The following ITGB3BP variants were observed in gnomAD, a reference collection of about 807,000 sequenced individuals.
ITGB3BP encodes integrin subunit beta 3 binding protein.
A neutral mutation model predicts 29.1 loss-of-function variants in ITGB3BP; 27 were observed. That is an observed-to-expected ratio of 0.93 (90% CI 0.68 to 1.28). The LOEUF (loss-of-function observed/expected upper bound fraction) is 1.28, where lower values mean the gene tolerates loss of function less well. ITGB3BP is among the 50% of genes most tolerant of loss of function. The pLI is 0.00. For missense variants in ITGB3BP, 192 were observed against 200.2 expected (o/e 0.96, Z 0.25); for synonymous variants, 61 against 61.4 (o/e 0.99, Z 0.03).
At chr1:63,483,403 T>C (rs1032946133) in intron 3 of ITGB3BP, among the ~76,000 whole-genome samples, 2 of 152,090 alleles carry the variant, frequency 1.3e-5, no homozygotes, top group Admixed American at 6.6e-5. Flanking sequence ...TTTAAGGAGA[T>C]AGTATATTAG....
rs1444312026 is a variant in ITGB3BP at position 63,469,509 on chromosome 1, A to T, written c.254+9255T>A. Reference sequence around the variant, plus strand: ...CCCAGCTAATTTTTGCATTTTTACTAGAGACGGGGTTTCTCCATGTTGGTC... The same window carrying T: ...CCCAGCTAATTTTTGCATTTTTACTTGAGACGGGGTTTCTCCATGTTGGTC... On this transcript the variant is annotated intron_variant, in intron 4 of 8. Transcript: ENST00000271002. Among the ~76,000 whole-genome samples, 4 of 152,142 alleles carry T rather than the reference A, an allele frequency of 2.6e-5. No individual in the cohort carries two copies. The East Asian group carries it at 7.7e-4, about 29-fold the overall frequency.
intron 4 of ITGB3BP, 107 bp downstream of exon 4, chr1:63,478,657 A>G: frequency 1.7e-6 from 1 of 590,484 alleles, no homozygotes; most frequent in South Asian, 2.1e-5. Flanking sequence ...CAGGTCAGGT[A>G]TAAACTATTA....
intron 1 of ITGB3BP, among the ~76,000 whole-genome samples, chr1:63,511,198 G>C (rs1646191902): frequency 1.3e-5 from 2 of 152,064 alleles, no homozygotes; most frequent in Non-Finnish European, 2.9e-5. Context: ...AATCATTAGG[G>C]AAATGCAAAT....
At chr1:63,497,926 C>CT in intron 2 of ITGB3BP, among the ~76,000 whole-genome samples, 1 of 152,100 alleles carries the variant, frequency 6.6e-6, no homozygotes, top group Admixed American at 6.5e-5. Flanking sequence ...TTCCTTTCCC[C>CT]CTTTTTCTTT....
At chr1:63,516,627 T>G (rs1021888412) in intron 1 of ITGB3BP, among the ~76,000 whole-genome samples, 17 of 150,044 alleles carry the variant, frequency 1.1e-4, no homozygotes, top group African/African-American at 3.7e-4. Flanking sequence ...GGAGGATCAC[T>G]TGAGCCCAGG....
At chr1:63,455,629 CAATAT>C (rs889330802) in intron 4 of ITGB3BP, among the ~76,000 whole-genome samples, 8 of 151,914 alleles carry the variant, frequency 5.3e-5, no homozygotes, top group Non-Finnish European at 1.2e-4. Context: ...TTACTTAATA[CAATAT>C]TATATACATT....
chr1:63,500,456 T>C (rs184162957), intron 2 of ITGB3BP, among the ~76,000 whole-genome samples: 1 of 152,310 alleles, frequency 6.6e-6, no homozygotes, highest in Admixed American at 6.5e-5. Context: ...ATATGATCCA[T>C]ATGTAAAAAT....
intron 2 of ITGB3BP, among the ~76,000 whole-genome samples, chr1:63,491,112 C>T (rs896213840): frequency 2.8e-4 from 42 of 152,082 alleles, no homozygotes; most frequent in African/African-American, 8.4e-4. Context: ...TTTTATCTTC[C>T]CCAAGACCTA....
intron 1 of ITGB3BP, among the ~76,000 whole-genome samples, chr1:63,519,133 G>T (rs974999002): frequency 6.6e-6 from 1 of 152,064 alleles, no homozygotes; most frequent in Non-Finnish European, 1.5e-5. Context: ...GATGCTCCTT[G>T]ACTTACAACA....
intron 4 of ITGB3BP, among the ~76,000 whole-genome samples, chr1:63,471,820 T>C (rs576425797): frequency 4.6e-5 from 7 of 152,094 alleles, no homozygotes; most frequent in East Asian, 3.9e-4. Context: ...AGTCTCACTC[T>C]GTCACCCAGG....
At chr1:63,490,945 C>T (rs1645632418) in intron 2 of ITGB3BP, among the ~76,000 whole-genome samples, 1 of 152,072 alleles carries the variant, frequency 6.6e-6, no homozygotes, top group Admixed American at 6.5e-5. Context: ...AGGAACAGTC[C>T]AGTAAATTTG....
chr1:63,471,854 G>A (rs1031342861), intron 4 of ITGB3BP, among the ~76,000 whole-genome samples: 1 of 151,578 alleles, frequency 6.6e-6, no homozygotes, highest in Non-Finnish European at 1.5e-5. Flanking sequence ...GCACCATCTC[G>A]GCTCACTGCA....
intron 8 of ITGB3BP, chr1:63,443,074 C>T (rs1160275364): frequency 6.6e-6 from 1 of 152,178 alleles, no homozygotes; most frequent in Non-Finnish European, 1.5e-5. Context: ...CTGTATGGGA[C>T]AGTCCTCCCC....
chr1:63,496,150 T>C (rs1460858498), intron 2 of ITGB3BP, among the ~76,000 whole-genome samples: 1 of 151,460 alleles, frequency 6.6e-6, no homozygotes, highest in African/African-American at 2.4e-5. Flanking sequence ...GGGAGTGCAG[T>C]GGTGCGATCA....
chr1:63,487,839 T>C lies in ITGB3BP; in HGVS notation c.184+2244A>G, dbSNP rs558525069. ...AGCAGCGAGCTAGGTTTGTTTACACTGGCATCACCACAAAAATGTGAGTAA... is the reference window on the plus strand; with the variant it reads ...AGCAGCGAGCTAGGTTTGTTTACACCGGCATCACCACAAAAATGTGAGTAA... On this transcript the variant is annotated intron_variant, in intron 3 of 8. Coordinates refer to ENST00000271002, the MANE Select transcript of ITGB3BP (RefSeq NM_014288.5). 3.9e-5 allele frequency among the ~76,000 whole-genome samples: 6 copies of C among 152,202 alleles called. No individual in the cohort carries two copies. The East Asian group carries it at 9.6e-4, about 24-fold the overall frequency.
At position 63,478,760 on chromosome 1, in the gene ITGB3BP, T is replaced by C. The variant is rs1338873531; in HGVS notation, c.254+4A>G. On this transcript the variant is annotated splice_donor_region_variant and intron_variant, in intron 4 of 8. Coordinates refer to ENST00000271002, the MANE Select transcript of ITGB3BP (RefSeq NM_014288.5). ...ATATATAATTTCAAAAATAACAAAC[T>C]TACTCATCATTGTCTTTTGTTGTAG... is the stretch of plus-strand genomic sequence containing the variant. 33 of 1,382,668 alleles carry C rather than the reference T, an allele frequency of 2.4e-5. No homozygotes were observed. Among genetic ancestry groups the C allele is most frequent in the African/African-American group, 3.0e-5 (2 of 66,996 alleles). 85.6% of individuals were successfully genotyped at this position (1,382,668 alleles called of 1,614,324 possible). A position where few individuals can be genotyped will look rare whatever the true frequency, so the allele number is the denominator to read the frequency against.
At chr1:63,513,949 A>T (rs1646255735) in intron 1 of ITGB3BP, among the ~76,000 whole-genome samples, 1 of 152,216 alleles carries the variant, frequency 6.6e-6, no homozygotes, top group South Asian at 2.1e-4. Flanking sequence ...TGCGAGTTTT[A>T]ACAAACATGT....
upstream of ITGB3BP, among the ~76,000 whole-genome samples, chr1:63,525,347 A>G (rs1646569085): frequency 6.6e-6 from 1 of 152,166 alleles, no homozygotes; most frequent in African/African-American, 2.4e-5. Context: ...ATTAACTGCC[A>G]AAGGCTTATT....
intron 7 of ITGB3BP, among the ~76,000 whole-genome samples, chr1:63,450,893 C>CAA (rs933062850): frequency 6.6e-6 from 1 of 151,860 alleles, no homozygotes; most frequent in African/African-American, 2.4e-5. Context: ...ATGAAAATCT[C>CAA]AGTGTGCCTT....
Sources: gnomAD v4.1 joint callset for allele counts (sites outside exome capture counted in the v4.1 genomes callset) on GRCh38, gnomAD v4.1.1 for gene constraint, MANE v1.5 for transcripts, NCBI Gene and HGNC (gene_info 2026-07-23, HGNC 2026-07-21) for gene names.